MTHFD2L: variants seen among roughly 807,000 people sequenced by gnomAD.
The protein encoded by MTHFD2L is bifunctional methylenetetrahydrofolate dehydrogenase/cyclohydrolase 2, mitochondrial.
MTHFD2L carries 29 observed loss-of-function variants against 34.9 expected under a neutral mutation model. The observed-to-expected ratio is 0.83, with a 90% CI of 0.62 to 1.13. The LOEUF is 1.13. Among genes scored for constraint, MTHFD2L ranks in the 50% most tolerant of loss-of-function variants. MTHFD2L has a pLI of 0.00. For synonymous variants in MTHFD2L, 167 were observed against 155.7 expected, an observed-to-expected ratio of 1.07 and a Z score of -0.54; for missense variants, 481 against 446.5, an observed-to-expected ratio of 1.08 and a Z score of -0.70.
At chr4:74,275,778 C>G (rs185395300) in intron 6 of MTHFD2L, among the ~76,000 whole-genome samples, 1 of 151,890 alleles carries the variant, frequency 6.6e-6, no homozygotes, top group African/African-American at 2.4e-5. Context: ...ATCCTTTGCC[C>G]ACTTTTTGAT....
At chr4:74,236,868 C>A (rs1740914704) in intron 6 of MTHFD2L, among the ~76,000 whole-genome samples, 1 of 152,100 alleles carries the variant, frequency 6.6e-6, no homozygotes, top group South Asian at 2.1e-4. Flanking sequence ...AGGCATTTTT[C>A]CCCACTATAC....
At chr4:74,146,320 TA>T (rs1485675178) in intron 1 of MTHFD2L, among the ~76,000 whole-genome samples, 3 of 152,292 alleles carry the variant, frequency 2.0e-5, no homozygotes, top group Middle Eastern at 3.4e-3. Flanking sequence ...CCTAAGTTAT[TA>T]AAAAATTATT....
At chr4:74,246,595 G>A (rs557111096) in intron 6 of MTHFD2L, among the ~76,000 whole-genome samples, 2 of 152,158 alleles carry the variant, frequency 1.3e-5, no homozygotes, top group East Asian at 1.9e-4. Flanking sequence ...TTTCTTCTAG[G>A]GTTTTTACAG....
intron 4 of MTHFD2L, among the ~76,000 whole-genome samples, chr4:74,200,327 C>T (rs567505071): frequency 1.4e-4 from 21 of 151,576 alleles, no homozygotes; most frequent in African/African-American, 5.1e-4. Flanking sequence ...CAAAACAAAA[C>T]AAACAAAACA....
At chr4:74,171,616 A>G (rs576749856) in intron 1 of MTHFD2L, among the ~76,000 whole-genome samples, 10 of 152,296 alleles carry the variant, frequency 6.6e-5, no homozygotes, top group Admixed American at 2.6e-4. Context: ...CAGCCTGGCC[A>G]ACATAGCGAA....
intron 3 of MTHFD2L, among the ~76,000 whole-genome samples, chr4:74,196,566 T>G (rs556242987): frequency 1.4e-4 from 21 of 152,302 alleles, no homozygotes; most frequent in African/African-American, 5.1e-4. Context: ...AATCTATAGG[T>G]GGAAAATAAG....
intron 6 of MTHFD2L, among the ~76,000 whole-genome samples, chr4:74,257,075 A>T (rs934359607): frequency 6.6e-6 from 1 of 152,144 alleles, no homozygotes; most frequent in Non-Finnish European, 1.5e-5. Flanking sequence ...AATGATAATG[A>T]TATTTCCAAT....
At chr4:74,126,848 T>C (rs894639297) in intron 1 of MTHFD2L, among the ~76,000 whole-genome samples, 18 of 152,152 alleles carry the variant, frequency 1.2e-4, no homozygotes, top group African/African-American at 4.3e-4. Context: ...ATTCATGATA[T>C]GGTTTGGCTG....
chr4:74,218,680 T>A (rs1737629319), intron 5 of MTHFD2L, among the ~76,000 whole-genome samples: 1 of 151,396 alleles, frequency 6.6e-6, no homozygotes, highest in Non-Finnish European at 1.5e-5. Context: ...TGTTCTAGCT[T>A]TGTTTTTTTA....
intron 1 of MTHFD2L, among the ~76,000 whole-genome samples, chr4:74,132,163 A>G (rs1386813473): frequency 6.6e-6 from 1 of 152,204 alleles, no homozygotes; most frequent in African/African-American, 2.4e-5. Flanking sequence ...TAGTTCAGCC[A>G]TTATGGAAGA....
chr4:74,234,641 T>A (rs577483155), intron 6 of MTHFD2L, among the ~76,000 whole-genome samples: 2 of 152,028 alleles, frequency 1.3e-5, no homozygotes, highest in African/African-American at 4.8e-5. Context: ...ATTAGAAAAA[T>A]ATATATATAT....
chr4:74,223,094 A>C (rs1738496437), intron 5 of MTHFD2L, among the ~76,000 whole-genome samples: 1 of 152,076 alleles, frequency 6.6e-6, no homozygotes. Context: ...TATACACCCA[A>C]AGGAATATAA....
chr4:74,297,823 T>C (rs983905495), intron 7 of MTHFD2L, among the ~76,000 whole-genome samples: 68 of 152,118 alleles, frequency 4.5e-4, no homozygotes, highest in Non-Finnish European at 7.1e-4. Flanking sequence ...ATTTCATAAA[T>C]GTGTTGCTTA....
At chr4:74,131,443 C>A (rs1722493103) in intron 1 of MTHFD2L, among the ~76,000 whole-genome samples, 1 of 152,210 alleles carries the variant, frequency 6.6e-6, no homozygotes, top group African/African-American at 2.4e-5. Context: ...CATCTACAAC[C>A]ATCTGATCTT....
At chr4:74,209,675 A>G (rs558578052) in intron 5 of MTHFD2L, among the ~76,000 whole-genome samples, 1 of 152,320 alleles carries the variant, frequency 6.6e-6, no homozygotes, top group East Asian at 1.9e-4. Context: ...GTGTCTTTAT[A>G]ATAGAATGAT....
intron 6 of MTHFD2L, among the ~76,000 whole-genome samples, chr4:74,226,146 C>T (rs1739127428): frequency 6.6e-6 from 1 of 151,724 alleles, no homozygotes; most frequent in Admixed American, 6.6e-5. Flanking sequence ...TTTCATAGAG[C>T]ATTATTTGTC....
intron 5 of MTHFD2L, among the ~76,000 whole-genome samples, chr4:74,204,103 A>G (rs1172267444): frequency 2.6e-5 from 4 of 152,162 alleles, no homozygotes; most frequent in African/African-American, 9.6e-5. Flanking sequence ...CCATGCAAGG[A>G]AACAGGCATT....
chr4:74,199,816 A>C lies in MTHFD2L; in HGVS notation c.474A>C (p.Ile158=). The part of the protein sequence containing the change: ...PLPDHVDERT[I]CNGIAPEKDV... ...CAGACCACGTTGATGAGCGAACAAT[A>C]TGCAATGGAATTGCCCCAGAAAAAG... The change falls in exon 4 of 8, where the codon ATA becomes ATC. Residue 158 remains isoleucine, a synonymous_variant. Coordinates refer to ENST00000325278, the MANE Select transcript of MTHFD2L (RefSeq NM_001144978.3). The C allele has an allele frequency of 6.2e-7, 1 of 1,612,988 alleles. No homozygotes were observed. The highest frequency in any genetic ancestry group is 8.5e-7 in the Non-Finnish European group (1 of 1,179,338).
chr4:74,200,525 T>G (rs1298423500), intron 4 of MTHFD2L, among the ~76,000 whole-genome samples: 1 of 152,184 alleles, frequency 6.6e-6, no homozygotes, highest in African/African-American at 2.4e-5. Flanking sequence ...TTTAAAAATA[T>G]GTTCTGATCA....
Sources: allele counts gnomAD v4.1 joint callset (sites outside exome capture counted in the v4.1 genomes callset), GRCh38; gene constraint gnomAD v4.1.1; transcripts MANE v1.5; gene names NCBI Gene and HGNC (gene_info 2026-07-23, HGNC 2026-07-21).